IFT57: variants seen among roughly 807,000 people sequenced by gnomAD.
The protein encoded by IFT57 is intraflagellar transport 57, also known as intraflagellar transport protein 57 homolog.
In IFT57, 59 loss-of-function variants were observed where a neutral mutation model predicts 56.8. That is an observed-to-expected ratio of 1.04 (90% CI 0.84 to 1.29). The LOEUF is 1.29. IFT57 is among the 50% of genes most tolerant of loss of function. The pLI is 0.00. For synonymous variants in IFT57, 209 were observed against 186.1 expected (o/e 1.12, Z -1.00); for missense variants, 470 against 522.1 (o/e 0.90, Z 0.97).
intron 2 of IFT57, 91 bp downstream of exon 2, chr3:108,219,319 G>T: frequency 1.0e-6 from 1 of 999,420 alleles, no homozygotes; most frequent in Non-Finnish European, 1.6e-6. Flanking sequence ...TTACAGAGGA[G>T]TCATCTAAAT....
intron 3 of IFT57, among the ~76,000 whole-genome samples, chr3:108,216,108 C>T (rs2080371471): frequency 6.6e-6 from 1 of 151,956 alleles, no homozygotes; most frequent in Admixed American, 6.6e-5. Flanking sequence ...AAAGCACAGG[C>T]AACAAAAGCA....
chr3:108,182,522 GCAC>G (rs2080156894), intron 6 of IFT57, among the ~76,000 whole-genome samples: 2 of 152,030 alleles, frequency 1.3e-5, no homozygotes, highest in Non-Finnish European at 2.9e-5. Flanking sequence ...TCCATCCTTA[GCAC>G]AATGACTCTT....
chr3:108,192,161 C>T (rs573195127), intron 5 of IFT57, among the ~76,000 whole-genome samples: 4 of 103,370 alleles, frequency 3.9e-5, no homozygotes, highest in Admixed American at 1.4e-4. Context: ...GGTGACAGAG[C>T]GAGACTCTGT....
chr3:108,210,532 C>T (rs1265821686), intron 4 of IFT57, among the ~76,000 whole-genome samples: 1 of 151,904 alleles, frequency 6.6e-6, no homozygotes, highest in Non-Finnish European at 1.5e-5. Context: ...GGGGTTTCAC[C>T]ATGTTAGCCA....
rs949951708 is a variant in IFT57 at position 108,213,949 on chromosome 3, T to G, written c.567A>C (p.Lys189Asn). Residue 189 changes from lysine (K) to asparagine (N), a missense_variant, in exon 4 of 11, where the codon AAA (lysine) becomes AAC (asparagine). By Grantham distance (94) the Lys-to-Asn change is moderately conservative. Coordinates refer to ENST00000264538, the MANE Select transcript of IFT57 (RefSeq NM_018010.4). ...CACATACCACAAATTCTTCATCCACTTTATTTAATGTTAATTCTGCATCAT... is the reference window on the plus strand; with the variant it reads ...CACATACCACAAATTCTTCATCCACGTTATTTAATGTTAATTCTGCATCAT... ...AEDDAELTLNKVDEEFVEEET... is the reference protein window; with the variant it reads ...AEDDAELTLNNVDEEFVEEET... 2 of 1,606,970 alleles carry G rather than the reference T, an allele frequency of 1.2e-6. No individual in the cohort carries two copies. Among genetic ancestry groups the G allele is most frequent in the African/African-American group, 2.7e-5 (2 of 74,922 alleles).
intron 6 of IFT57, among the ~76,000 whole-genome samples, chr3:108,171,401 T>C (rs528809637): frequency 9.7e-4 from 148 of 151,962 alleles, no homozygotes; most frequent in African/African-American, 3.3e-3. Flanking sequence ...GGCTACCTGA[T>C]AGTGAGGGTG....
intron 6 of IFT57, among the ~76,000 whole-genome samples, chr3:108,186,602 C>G (rs550621979): frequency 6.6e-6 from 1 of 151,932 alleles, no homozygotes; most frequent in Non-Finnish European, 1.5e-5. Context: ...AACCAAATTG[C>G]GGAAGAATTG....
chr3:108,215,144 A>T (rs2080364349), intron 3 of IFT57, among the ~76,000 whole-genome samples: 1 of 152,234 alleles, frequency 6.6e-6, no homozygotes, highest in African/African-American at 2.4e-5. Flanking sequence ...TCATTTATTC[A>T]TCAAGATTAA....
intron 8 of IFT57, 108 bp downstream of exon 8, chr3:108,166,746 G>T: frequency 1.1e-6 from 1 of 885,752 alleles, no homozygotes; most frequent in Non-Finnish European, 1.6e-6. Context: ...TTGATGTTTT[G>T]CTGTTCATGA....
At chr3:108,205,836 TTTAA>T (rs71629348) in intron 5 of IFT57, among the ~76,000 whole-genome samples, 32,122 of 135,854 alleles carry the variant, frequency 0.24, 5,025 homozygotes, top group Non-Finnish European at 0.34. Flanking sequence ...TTATATATTA[TTTAA>T]TTAATTTAAC....
At chr3:108,176,361 A>G (rs326334) in intron 6 of IFT57, among the ~76,000 whole-genome samples, 132,822 of 151,650 alleles carry the variant, frequency 0.88, 59,211 homozygotes, top group Non-Finnish European at 0.97. Context: ...AATTGAGGTC[A>G]TGTGATTTTT....
Position 108,162,137 on chromosome 3 carries a change from C to T in IFT57, c.*340G>A, listed in dbSNP as rs1355504534. On this transcript the variant is annotated 3_prime_UTR_variant, in exon 11 of 11. Coordinates refer to ENST00000264538, the MANE Select transcript of IFT57 (RefSeq NM_018010.4). ...GGAGCAAGGTAAAGGACTGTGTCAG[C>T]AGTTCATGTTGTGACAGCAGCAGCA... 1 of 175,358 alleles carries T rather than the reference C, an allele frequency of 5.7e-6. No individual in the cohort carries two copies. The highest frequency in any genetic ancestry group is 2.4e-5 in the African/African-American group (1 of 42,156). 10.9% of individuals were successfully genotyped at this position (175,358 alleles called of 1,614,324 possible). A position where few individuals can be genotyped will look rare whatever the true frequency, so the allele number is the denominator to read the frequency against.
In IFT57 at chr3:108,161,853, A is replaced by T. The variant is rs979298909; in HGVS notation, c.*624T>A. ...GTCAAACATGAGTGACTGACTTATC[A>T]TCATTCATTTATCCTTTTATTTAGT... On this transcript the variant is annotated 3_prime_UTR_variant, in exon 11 of 11. Transcript: ENST00000264538. 16 of 152,194 alleles carry T rather than the reference A, an allele frequency of 1.1e-4. No individual in the cohort carries two copies. Among genetic ancestry groups the T allele is most frequent in the African/African-American group, 3.9e-4 (16 of 41,458 alleles). 9.4% of individuals were successfully genotyped at this position (152,194 alleles called of 1,614,324 possible). A position where few individuals can be genotyped will look rare whatever the true frequency, so the allele number is the denominator to read the frequency against.
rs1373971412 is a variant in IFT57, at chr3:108,163,716, A to G, written c.1058T>C (p.Leu353Ser). Residue 353 changes from leucine to serine, a missense_variant, in exon 10 of 11, where the codon TTA (leucine) becomes TCA (serine). By Grantham distance (145) the Leu-to-Ser change is moderately radical. Transcript: ENST00000264538. ...TRLLSEVMEE[L>S]EKVKQEMEEK... is the part of the protein sequence containing the mutation. Reference sequence around the variant, plus strand: ...TTCCATTTCTTGTTTTACCTTTTCTAATTCTTCCATAACCTTTCATGAAAA... The same window carrying G: ...TTCCATTTCTTGTTTTACCTTTTCTGATTCTTCCATAACCTTTCATGAAAA... 3 of 1,608,406 alleles carry G rather than the reference A, an allele frequency of 1.9e-6. No homozygotes were observed. Among genetic ancestry groups the G allele is most frequent in the Non-Finnish European group, 2.6e-6 (3 of 1,175,804 alleles).
In IFT57 at chr3:108,222,076, C is replaced by T. The variant is rs116118914; in HGVS notation, c.212+35G>A. ...AGGAGGGCATCTCCCTGGGGGCTAGCAGGCACCCGGGCGCTCGGGGACGCC... is the reference window on the plus strand; with the variant it reads ...AGGAGGGCATCTCCCTGGGGGCTAGTAGGCACCCGGGCGCTCGGGGACGCC... On this transcript the variant is annotated intron_variant, in intron 1 of 10. Transcript: ENST00000264538. The T allele has an allele frequency of 5.8e-4, 901 of 1,562,268 alleles. 7 individuals are homozygous for T. The African/African-American group carries it at 0.011, about 18-fold the overall frequency.
At chr3:108,189,035 T>C (rs1204445244) in intron 6 of IFT57, among the ~76,000 whole-genome samples, 1 of 152,162 alleles carries the variant, frequency 6.6e-6, no homozygotes, top group African/African-American at 2.4e-5. Context: ...ATCACAATAA[T>C]AGTGACTTTT....
At chr3:108,214,536 CT>C (rs2080360187) in intron 3 of IFT57, among the ~76,000 whole-genome samples, 11 of 152,044 alleles carry the variant, frequency 7.2e-5, no homozygotes. Context: ...CCAAAATTGG[CT>C]TCCAAAATGT....
chr3:108,217,794 G>A (rs1289763), intron 3 of IFT57, among the ~76,000 whole-genome samples: 117,751 of 150,822 alleles, frequency 0.78, 46,903 homozygotes, highest in Non-Finnish European at 0.86. Context: ...TAACCTATTA[G>A]TAATCCCAAA....
chr3:108,186,806 CT>C (rs2108315888), intron 6 of IFT57, among the ~76,000 whole-genome samples: 1 of 152,178 alleles, frequency 6.6e-6, no homozygotes, highest in East Asian at 1.9e-4. Flanking sequence ...CCTCAGCCTT[CT>C]TAATGGGAAG....
Sources: allele counts gnomAD v4.1 joint callset (sites outside exome capture counted in the v4.1 genomes callset), GRCh38; gene constraint gnomAD v4.1.1; transcripts MANE v1.5; gene names NCBI Gene and HGNC (gene_info 2026-07-23, HGNC 2026-07-21).